The following RGS6 variants were observed in gnomAD, a reference collection of about 807,000 sequenced individuals.
RGS6 encodes the protein regulator of G-protein signaling 6.
RGS6 carries 30 observed loss-of-function variants against 78.5 expected under a neutral mutation model. The observed-to-expected ratio is 0.38, with a 90% CI of 0.29 to 0.52. The LOEUF (loss-of-function observed/expected upper bound fraction) is 0.52, where lower values mean the gene tolerates loss of function less well. Among genes scored for constraint, RGS6 ranks in the 20% least tolerant of loss-of-function variants. The probability of loss-of-function intolerance (pLI) is 0.85; values close to 1 mark genes in which losing one functional copy is unlikely to be tolerated. For synonymous variants in RGS6, 206 were observed against 206.0 expected, an observed-to-expected ratio of 1.00 and a Z score of 0.00; for missense variants, 495 against 609.7, an observed-to-expected ratio of 0.81 and a Z score of 1.98.
intron 2 of RGS6, among the ~76,000 whole-genome samples, chr14:72,317,936 TTTTA>T (rs1438030479): frequency 6.6e-6 from 1 of 152,224 alleles, no homozygotes. Flanking sequence ...TCCCAAACGA[TTTTA>T]TTTGACAAAA....
chr14:72,162,452 C>T (rs1329564561), intron 2 of RGS6, among the ~76,000 whole-genome samples: 1 of 151,978 alleles, frequency 6.6e-6, no homozygotes, highest in Non-Finnish European at 1.5e-5. Flanking sequence ...AGGGTGAGCT[C>T]TGACAAGGAT....
At position 72,523,892 on chromosome 14, in the gene RGS6, T is replaced by C. The variant is rs1277815575; in HGVS notation, c.1278+5355T>C. On this transcript the variant is annotated intron_variant, in intron 15 of 17. Transcript: ENST00000553525. Reference sequence around the variant, plus strand: ...GGATTTAATTCTCTGTTCCCAACCATGTGGCCTTAAAGGACCTGCATTGTC... The same window carrying C: ...GGATTTAATTCTCTGTTCCCAACCACGTGGCCTTAAAGGACCTGCATTGTC... 2.6e-5 allele frequency among the ~76,000 whole-genome samples: 4 copies of C among 152,284 alleles called. No individual in the cohort carries two copies. In the South Asian group the frequency reaches 6.2e-4, roughly 24 times the overall value.
chr14:72,467,544 T>A (rs956184069), intron 7 of RGS6, among the ~76,000 whole-genome samples: 1 of 152,070 alleles, frequency 6.6e-6, no homozygotes, highest in Admixed American at 6.5e-5. Flanking sequence ...ACAGCCCAAG[T>A]GTGAATGCGC....
chr14:72,208,517 A>G (rs1327556059), intron 2 of RGS6, among the ~76,000 whole-genome samples: 2 of 152,228 alleles, frequency 1.3e-5, no homozygotes, highest in East Asian at 3.8e-4. Context: ...ACCTTAGTAT[A>G]ATGGTCTTTC....
At chr14:72,599,781 T>C in the RGS6 span, among the ~76,000 whole-genome samples, 3 of 151,848 alleles carry the variant, frequency 2.0e-5, no homozygotes, top group African/African-American at 7.3e-5. Flanking sequence ...AGCAGGGAGA[T>C]AGTGGGGCTG....
At chr14:71,878,618 C>T in the RGS6 span, among the ~76,000 whole-genome samples, 2 of 152,218 alleles carry the variant, frequency 1.3e-5, no homozygotes, top group Admixed American at 1.3e-4. Flanking sequence ...AATTCCCTGA[C>T]CCCTTGCACT....
chr14:72,536,137 C>A, intron 15 of RGS6, 49 bp from the exon 16 acceptor site: 1 of 1,328,038 alleles, frequency 7.5e-7, no homozygotes, highest in Non-Finnish European at 1.1e-6. Context: ...TATTCTTTAG[C>A]ACTGGTTGAC....
intron 17 of RGS6, chr14:72,550,533 G>A (rs1292940977): frequency 2.6e-6 from 4 of 1,535,614 alleles, no homozygotes; most frequent in Middle Eastern, 1.7e-4. Flanking sequence ...TGGAGATGGA[G>A]CATCCAAGAC....
At chr14:72,497,819 C>T (rs2096665048) in intron 13 of RGS6, among the ~76,000 whole-genome samples, 2 of 151,606 alleles carry the variant, frequency 1.3e-5, no homozygotes, top group South Asian at 4.2e-4. Flanking sequence ...CTTTCTTTAA[C>T]TCAGGATTTT....
At chr14:72,383,467 G>A (rs2086874686) in intron 3 of RGS6, among the ~76,000 whole-genome samples, 1 of 151,834 alleles carries the variant, frequency 6.6e-6, no homozygotes. Context: ...TGGGTGTTGT[G>A]TGTCTCACCC....
intron 2 of RGS6, among the ~76,000 whole-genome samples, chr14:72,056,800 A>G (rs1490311683): frequency 6.6e-6 from 1 of 152,250 alleles, no homozygotes; most frequent in Non-Finnish European, 1.5e-5. Flanking sequence ...GTATATGTTT[A>G]CATGAAACAC....
intron 2 of RGS6, among the ~76,000 whole-genome samples, chr14:72,156,972 G>A (rs1224745578): frequency 6.6e-6 from 1 of 152,148 alleles, no homozygotes; most frequent in Non-Finnish European, 1.5e-5. Context: ...AGGTCTGGAT[G>A]GGGAGGCTGG....
rs1461949647 is a variant in RGS6, at chr14:72,358,441, GC to G, written c.184+6248del. On this transcript the variant is annotated intron_variant, in intron 3 of 17. Transcript: ENST00000553525. ...CAGGAAGGAGGCTGTACCCTGCAAA[GC>G]TACCGGGTCAGAGCTGCCCAAGATA... Among the ~76,000 whole-genome samples, 3 of 152,264 alleles carry G rather than the reference GC, an allele frequency of 2.0e-5. 1 individual carries two copies. The highest frequency in any genetic ancestry group is 2.0e-4 in the Admixed American group (3 of 15,290).
chr14:72,471,137 T>C (rs915510769), intron 8 of RGS6, among the ~76,000 whole-genome samples: 2 of 152,178 alleles, frequency 1.3e-5, no homozygotes, highest in Admixed American at 6.5e-5. Flanking sequence ...TTCTTTCAAG[T>C]CTACCAATTA....
At chr14:72,292,828 C>A (rs376710642) in intron 2 of RGS6, among the ~76,000 whole-genome samples, 12 of 152,236 alleles carry the variant, frequency 7.9e-5, no homozygotes, top group African/African-American at 2.9e-4. Context: ...AATCTCACCA[C>A]CTCCTGAACT....
At chr14:72,405,427 G>T (rs2092830417) in intron 3 of RGS6, among the ~76,000 whole-genome samples, 1 of 152,066 alleles carries the variant, frequency 6.6e-6, no homozygotes, top group African/African-American at 2.4e-5. Flanking sequence ...CTTCTGAAAG[G>T]ACATCAAACA....
chr14:72,398,941 T>G (rs988854207), intron 3 of RGS6, among the ~76,000 whole-genome samples: 1 of 152,040 alleles, frequency 6.6e-6, no homozygotes, highest in Admixed American at 6.6e-5. Flanking sequence ...TTCTATTCTT[T>G]TACATTTGCT....
At chr14:72,391,805 G>A (rs1477741724) in intron 3 of RGS6, among the ~76,000 whole-genome samples, 1 of 152,060 alleles carries the variant, frequency 6.6e-6, no homozygotes, top group Non-Finnish European at 1.5e-5. Flanking sequence ...GTGTCCTTCT[G>A]TTCTCATTGT....
chr14:71,882,441 C>A, the RGS6 span, among the ~76,000 whole-genome samples: 17 of 152,268 alleles, frequency 1.1e-4, no homozygotes, highest in South Asian at 3.3e-3. Context: ...CCTGTTTGAG[C>A]CCCTGCTTTC....
Sources: allele counts gnomAD v4.1 joint callset (sites outside exome capture counted in the v4.1 genomes callset), GRCh38; gene constraint gnomAD v4.1.1; transcripts MANE v1.5; gene names NCBI Gene and HGNC (gene_info 2026-07-23, HGNC 2026-07-21).